ERC2: variants seen among roughly 807,000 people sequenced by gnomAD.
The protein encoded by ERC2 is ERC protein 2.
Under a neutral mutation model 114.8 loss-of-function variants are expected in ERC2, and 42 were observed. The observed-to-expected ratio is 0.37, with a 90% CI of 0.29 to 0.47. The LOEUF is 0.47. Among genes scored for constraint, ERC2 ranks in the 20% least tolerant of loss-of-function variants. The pLI, the probability that ERC2 is intolerant of heterozygous loss-of-function variation, is 0.99. For missense variants in ERC2, 939 were observed against 1,150.7 expected, an observed-to-expected ratio of 0.82 and a Z score of 2.66; for synonymous variants, 454 against 425.5, an observed-to-expected ratio of 1.07 and a Z score of -0.82.
At chr3:56,340,210 T>C (rs1263620166) in intron 2 of ERC2, among the ~76,000 whole-genome samples, 1 of 152,196 alleles carries the variant, frequency 6.6e-6, no homozygotes, top group African/African-American at 2.4e-5. Context: ...CTTTATTATA[T>C]TATCTCTGAT....
intron 3 of ERC2, among the ~76,000 whole-genome samples, chr3:56,223,875 T>C (rs1473322084): frequency 6.6e-6 from 1 of 152,260 alleles, no homozygotes. Flanking sequence ...TAAAAGCTGC[T>C]AATTCTACAT....
intron 13 of ERC2, among the ~76,000 whole-genome samples, chr3:55,926,636 G>A (rs182567039): frequency 2.0e-5 from 3 of 152,178 alleles, no homozygotes; most frequent in East Asian, 1.9e-4. Context: ...ACTGCATTCC[G>A]TGGAATAAGG....
chr3:56,084,889 T>C (rs997206166), intron 6 of ERC2, among the ~76,000 whole-genome samples: 1 of 145,820 alleles, frequency 6.9e-6, no homozygotes, highest in Admixed American at 6.8e-5. Context: ...AAAAGAAAAG[T>C]TCAGGGCAGC....
At chr3:56,020,639 C>T (rs2073642616) in intron 7 of ERC2, among the ~76,000 whole-genome samples, 1 of 152,214 alleles carries the variant, frequency 6.6e-6, no homozygotes, top group South Asian at 2.1e-4. Context: ...CTCTTGGAAA[C>T]AGTGTATGTT....
intron 14 of ERC2, among the ~76,000 whole-genome samples, chr3:55,886,212 T>C (rs1475519598): frequency 6.6e-6 from 1 of 152,160 alleles, no homozygotes; most frequent in African/African-American, 2.4e-5. Flanking sequence ...CTAATACTAG[T>C]ATTGGCTATT....
intron 17 of ERC2, among the ~76,000 whole-genome samples, chr3:55,528,681 A>G (rs1373049158): frequency 6.6e-6 from 1 of 152,198 alleles, no homozygotes; most frequent in South Asian, 2.1e-4. Flanking sequence ...AGACACAAGG[A>G]TAAACAAGGT....
chr3:55,796,832 C>T (rs888264951), intron 14 of ERC2, among the ~76,000 whole-genome samples: 5 of 152,212 alleles, frequency 3.3e-5, no homozygotes, highest in African/African-American at 4.8e-5. Flanking sequence ...AATATATTTA[C>T]TATCTGGCCT....
At chr3:56,189,012 C>T (rs2083815355) in intron 3 of ERC2, among the ~76,000 whole-genome samples, 1 of 152,180 alleles carries the variant, frequency 6.6e-6, no homozygotes, top group South Asian at 2.1e-4. Context: ...ATTTAACCCA[C>T]ACCCCAAACT....
chr3:56,314,935 A>C (rs2056791636), intron 2 of ERC2, among the ~76,000 whole-genome samples: 1 of 152,200 alleles, frequency 6.6e-6, no homozygotes, highest in South Asian at 2.1e-4. Flanking sequence ...TGGTCACTGC[A>C]CTGCAGAGGG....
At chr3:55,829,438 T>C (rs1217746976) in intron 14 of ERC2, among the ~76,000 whole-genome samples, 1 of 151,940 alleles carries the variant, frequency 6.6e-6, no homozygotes, top group East Asian at 1.9e-4. Flanking sequence ...TCAACAGAAA[T>C]CATCCAATCC....
intron 10 of ERC2, among the ~76,000 whole-genome samples, chr3:55,993,092 A>C (rs2071207370): frequency 6.6e-6 from 1 of 152,182 alleles, no homozygotes; most frequent in Non-Finnish European, 1.5e-5. Flanking sequence ...TTTTGGCTGA[A>C]ATATTCCCAG....
intron 2 of ERC2, among the ~76,000 whole-genome samples, chr3:56,345,463 C>T (rs778999854): frequency 3.9e-5 from 6 of 152,156 alleles, no homozygotes; most frequent in Admixed American, 6.5e-5. Context: ...CTGTCTGTTC[C>T]TGGGACAACT....
intron 14 of ERC2, among the ~76,000 whole-genome samples, chr3:55,877,863 T>A (rs992128541): frequency 6.6e-6 from 1 of 152,166 alleles, no homozygotes; most frequent in African/African-American, 2.4e-5. Flanking sequence ...CTTTGTGTGA[T>A]GTGGCTGCCC....
At chr3:55,682,512 G>A (rs2062107884) in intron 17 of ERC2, among the ~76,000 whole-genome samples, 1 of 152,108 alleles carries the variant, frequency 6.6e-6, no homozygotes, top group African/African-American at 2.4e-5. Context: ...CCATTAGTGG[G>A]ACATGTAACA....
chr3:55,787,275 G>C (rs1559653442), intron 14 of ERC2, among the ~76,000 whole-genome samples: 2 of 152,092 alleles, frequency 1.3e-5, no homozygotes, highest in South Asian at 4.2e-4. Context: ...AATTAGCTGG[G>C]TGTGGTGGTG....
At chr3:55,661,228 T>C (rs908919102) in intron 17 of ERC2, among the ~76,000 whole-genome samples, 11 of 152,244 alleles carry the variant, frequency 7.2e-5, no homozygotes, top group African/African-American at 2.2e-4. Flanking sequence ...CTGAGTTTCA[T>C]GAGGCCAAAA....
intron 15 of ERC2, among the ~76,000 whole-genome samples, chr3:55,711,014 G>C (rs115096521): frequency 1.3e-5 from 2 of 152,302 alleles, no homozygotes; most frequent in African/African-American, 2.4e-5. Context: ...TGCAACTGCA[G>C]ATGAGTCCAC....
intron 6 of ERC2, among the ~76,000 whole-genome samples, chr3:56,131,971 G>A (rs1475274364): frequency 2.0e-5 from 3 of 152,088 alleles, no homozygotes; most frequent in South Asian, 2.1e-4. Context: ...ATTATTACAC[G>A]TCAATTAAAA....
At chr3:55,652,545 T>A (rs1047005959) in intron 17 of ERC2, among the ~76,000 whole-genome samples, 1 of 152,068 alleles carries the variant, frequency 6.6e-6, no homozygotes, top group Non-Finnish European at 1.5e-5. Context: ...GGGCTTCATA[T>A]GCATTCTCTC....
Sources: allele counts gnomAD v4.1 joint callset (sites outside exome capture counted in the v4.1 genomes callset), GRCh38; gene constraint gnomAD v4.1.1; transcripts MANE v1.5; gene names NCBI Gene and HGNC (gene_info 2026-07-23, HGNC 2026-07-21).